The following GRM8 variants were observed in gnomAD, a reference collection of about 807,000 sequenced individuals.
The protein encoded by GRM8 is glutamate metabotropic receptor 8.
In GRM8, 47 loss-of-function variants were observed where a neutral mutation model predicts 87.2. The ratio of observed to expected loss-of-function variants is 0.54; its 90% CI spans 0.43 to 0.69. The LOEUF (loss-of-function observed/expected upper bound fraction) is 0.69. Ranked by LOEUF, GRM8 falls within the 30% of genes least tolerant of loss-of-function variation. The pLI is 0.00. For missense variants in GRM8, 1,019 were observed against 1,139.2 expected, an observed-to-expected ratio of 0.89 and a Z score of 1.52; for synonymous variants, 396 against 404.5, an observed-to-expected ratio of 0.98 and a Z score of 0.25.
At chr7:126,951,035 G>T (rs1363265037) in intron 3 of GRM8, among the ~76,000 whole-genome samples, 1 of 151,828 alleles carries the variant, frequency 6.6e-6, no homozygotes, top group Non-Finnish European at 1.5e-5. Flanking sequence ...AGAAGATATT[G>T]TCATATATCT....
intron 7 of GRM8, among the ~76,000 whole-genome samples, chr7:126,721,299 T>A (rs543500621): frequency 6.8e-4 from 104 of 152,284 alleles, no homozygotes; most frequent in African/African-American, 2.4e-3. Context: ...TACTTTGTCT[T>A]ACAATACTGA....
intron 2 of GRM8, among the ~76,000 whole-genome samples, chr7:127,158,762 C>T (rs777532027): frequency 2.0e-5 from 3 of 151,756 alleles, no homozygotes; most frequent in African/African-American, 2.4e-5. Flanking sequence ...CATGTGAATT[C>T]GTAGGGGGAC....
At chr7:127,054,074 T>A (rs1819747695) in intron 3 of GRM8, among the ~76,000 whole-genome samples, 2 of 152,168 alleles carry the variant, frequency 1.3e-5, no homozygotes, top group Admixed American at 1.3e-4. Flanking sequence ...AGTGATAATA[T>A]TAATACCCAA....
At chr7:126,915,685 A>G (rs1803817242) in intron 3 of GRM8, among the ~76,000 whole-genome samples, 1 of 152,176 alleles carries the variant, frequency 6.6e-6, no homozygotes, top group African/African-American at 2.4e-5. Flanking sequence ...AGAAAGAAAT[A>G]TAAAAGAAGA....
chr7:126,603,305 A>G (rs1212755356), intron 8 of GRM8, among the ~76,000 whole-genome samples: 1 of 145,112 alleles, frequency 6.9e-6, no homozygotes, highest in Admixed American at 7.0e-5. Flanking sequence ...AACTGGAAGC[A>G]TTCCCTTTGA....
chr7:127,244,910 T>C (rs982473761), intron 1 of GRM8, among the ~76,000 whole-genome samples: 1 of 152,184 alleles, frequency 6.6e-6, no homozygotes, highest in African/African-American at 2.4e-5. Flanking sequence ...TCGGCTGAGA[T>C]AGTTCTGTGC....
chr7:127,087,558 T>C (rs1032621018), intron 3 of GRM8, among the ~76,000 whole-genome samples: 3 of 152,166 alleles, frequency 2.0e-5, no homozygotes, highest in African/African-American at 7.2e-5. Flanking sequence ...GCTAAGTTCA[T>C]AGAATCAAAA....
chr7:126,998,165 T>C (rs1384477872), intron 3 of GRM8, among the ~76,000 whole-genome samples: 1 of 151,938 alleles, frequency 6.6e-6, no homozygotes, highest in Non-Finnish European at 1.5e-5. Flanking sequence ...ATAAAAACTA[T>C]ATGATCATTT....
intron 7 of GRM8, among the ~76,000 whole-genome samples, chr7:126,763,104 A>AC (rs1817764284): frequency 9.2e-6 from 1 of 108,622 alleles, no homozygotes; most frequent in African/African-American, 4.4e-5. Context: ...GTTTTGACAC[A>AC]ACACCCCCCC....
chr7:126,866,235 A>T (rs1282822755), intron 6 of GRM8, among the ~76,000 whole-genome samples: 1 of 152,110 alleles, frequency 6.6e-6, no homozygotes, highest in Non-Finnish European at 1.5e-5. Context: ...CTTTGGAGAA[A>T]TGTCTGTTCA....
At chr7:126,556,600 T>C (rs1029453459) in intron 8 of GRM8, among the ~76,000 whole-genome samples, 2 of 152,138 alleles carry the variant, frequency 1.3e-5, no homozygotes, top group Non-Finnish European at 2.9e-5. Flanking sequence ...TGAGCTGAGA[T>C]TGCACCACTG....
intron 2 of GRM8, among the ~76,000 whole-genome samples, chr7:127,224,463 C>T (rs1797182418): frequency 6.6e-6 from 1 of 152,134 alleles, no homozygotes; most frequent in South Asian, 2.1e-4. Context: ...AAATATTCTT[C>T]AGGGATGACA....
intron 2 of GRM8, among the ~76,000 whole-genome samples, chr7:127,133,624 C>T (rs1305947653): frequency 7.0e-6 from 1 of 143,750 alleles, no homozygotes; most frequent in African/African-American, 2.6e-5. Flanking sequence ...GAGAATGGCA[C>T]GAACCCGGGA....
chr7:126,698,077 T>C (rs183392089), intron 7 of GRM8, among the ~76,000 whole-genome samples: 1 of 152,260 alleles, frequency 6.6e-6, no homozygotes, highest in East Asian at 1.9e-4. Context: ...TTTATACAAA[T>C]GGAATAGATT....
intron 2 of GRM8, among the ~76,000 whole-genome samples, chr7:127,135,204 G>GA (rs912731673): frequency 2.6e-5 from 4 of 151,260 alleles, no homozygotes; most frequent in East Asian, 1.9e-4. Flanking sequence ...ACATTTTCAG[G>GA]AAAAAAAATA....
chr7:126,926,281 A>G (rs112931311), intron 3 of GRM8, among the ~76,000 whole-genome samples: 6 of 152,292 alleles, frequency 3.9e-5, no homozygotes, highest in African/African-American at 1.2e-4. Context: ...CTAGTCTTTT[A>G]CCCATAGAGA....
At chr7:126,805,044 C>T (rs947085997) in intron 6 of GRM8, among the ~76,000 whole-genome samples, 15 of 152,140 alleles carry the variant, frequency 9.9e-5, no homozygotes, top group African/African-American at 3.6e-4. Flanking sequence ...GCTGAGTATA[C>T]CAATCCCAAT....
rs547718657 is a variant in GRM8, at chr7:126,720,906, G to C, written c.1357+48959C>G. 7.2e-5 allele frequency among the ~76,000 whole-genome samples: 11 copies of C among 152,278 alleles called. No individual in the cohort carries two copies. In the South Asian group the frequency reaches 2.3e-3, roughly 32 times the overall value. ...CTCAGAGCTTTCAGATGGCTTTTGA[G>C]GAAACTGCTTTGTGTTTATTTTGCT... On this transcript the variant is annotated intron_variant, in intron 7 of 10. Transcript: ENST00000339582.
chr7:127,120,765 G>C (rs1477420306), intron 2 of GRM8, among the ~76,000 whole-genome samples: 2 of 152,150 alleles, frequency 1.3e-5, no homozygotes, highest in East Asian at 3.9e-4. Context: ...TTGATGCCTT[G>C]AACATTATGT....
Sources: gnomAD v4.1 joint callset for allele counts (sites outside exome capture counted in the v4.1 genomes callset) on GRCh38, gnomAD v4.1.1 for gene constraint, MANE v1.5 for transcripts, NCBI Gene and HGNC (gene_info 2026-07-23, HGNC 2026-07-21) for gene names.